KANSL1: variants seen among roughly 807,000 people sequenced by gnomAD.
KANSL1 encodes MLL1/MLL complex subunit KANSL1.
A neutral mutation model predicts 103.6 loss-of-function variants in KANSL1; 22 were observed. The observed-to-expected ratio is 0.21, with a 90% CI of 0.15 to 0.30. KANSL1 has a LOEUF of 0.30. Among genes scored for constraint, KANSL1 ranks in the 10% least tolerant of loss-of-function variants. The pLI is 1.00. For missense variants in KANSL1, 1,337 were observed against 1,399.8 expected, an observed-to-expected ratio of 0.96 and a Z score of 0.72; for synonymous variants, 600 against 527.6, an observed-to-expected ratio of 1.14 and a Z score of -1.88.
chr17:46,034,020 T>C (rs1257172084), intron 11 of KANSL1, 141 bp downstream of exon 11: 2 of 1,032,192 alleles, frequency 1.9e-6, no homozygotes, highest in African/African-American at 1.6e-5. Context: ...CAGAAATAAT[T>C]TCGTTCTTAT....
chr17:46,178,167 G>A (rs1302008649), intron 1 of KANSL1, among the ~76,000 whole-genome samples: 1 of 151,990 alleles, frequency 6.6e-6, no homozygotes, highest in Non-Finnish European at 1.5e-5. Context: ...TTCAATCTTT[G>A]ACAATGTAAA....
At chr17:46,126,740 T>C (rs2043577936) in intron 2 of KANSL1, among the ~76,000 whole-genome samples, 1 of 152,216 alleles carries the variant, frequency 6.6e-6, no homozygotes, top group South Asian at 2.1e-4. Context: ...ATAAGAAATG[T>C]CACTGTGACA....
intron 2 of KANSL1, among the ~76,000 whole-genome samples, chr17:46,115,728 A>C (rs2043018080): frequency 6.6e-6 from 1 of 152,256 alleles, no homozygotes; most frequent in South Asian, 2.1e-4. Flanking sequence ...TAGGAAAGCC[A>C]ACCGATAAAT....
chr17:46,070,617 T>C (rs906308439), intron 4 of KANSL1, among the ~76,000 whole-genome samples: 1 of 152,182 alleles, frequency 6.6e-6, no homozygotes, highest in Non-Finnish European at 1.5e-5. Context: ...AGGCATGTTA[T>C]AGGTATTCTA....
intron 6 of KANSL1, among the ~76,000 whole-genome samples, chr17:46,057,204 G>A (rs1486450850): frequency 1.3e-5 from 2 of 152,068 alleles, no homozygotes; most frequent in African/African-American, 2.4e-5. Context: ...ATCAGATAAC[G>A]TTAGCATCAT....
chr17:46,196,839 G>A (rs2047626303), upstream of KANSL1: 10 of 193,680 alleles, frequency 5.2e-5, no homozygotes, highest in South Asian at 7.8e-4. Context: ...AGGCATGGTG[G>A]CTCACACCTA....
chr17:46,034,397 T>G, intron 10 of KANSL1, 112 bp from the exon 11 acceptor site: 1 of 1,176,508 alleles, frequency 8.5e-7, no homozygotes, highest in Non-Finnish European at 1.2e-6. Flanking sequence ...GTCCTTGGGT[T>G]GAAGCTGAGT....
chr17:46,045,381 C>G (rs1362504325), intron 7 of KANSL1: 4 of 148,966 alleles, frequency 2.7e-5, no homozygotes, highest in Non-Finnish European at 6.0e-5. Flanking sequence ...TCAGGTCAAC[C>G]AACTGAGGTG....
At chr17:46,143,866 T>G (rs1452243186) in intron 2 of KANSL1, among the ~76,000 whole-genome samples, 1 of 151,304 alleles carries the variant, frequency 6.6e-6, no homozygotes, top group Non-Finnish European at 1.5e-5. Context: ...ATGAGAAAAT[T>G]TGAGGTCCAG....
intron 10 of KANSL1, 150 bp from the exon 11 acceptor site, chr17:46,034,435 G>T: frequency 1.3e-6 from 1 of 747,054 alleles, no homozygotes. Flanking sequence ...CTCCCACCTA[G>T]GAGTCAGTCT....
At chr17:46,111,608 TAGAC>T (rs1421177898) in intron 2 of KANSL1, among the ~76,000 whole-genome samples, 1 of 152,190 alleles carries the variant, frequency 6.6e-6, no homozygotes, top group Non-Finnish European at 1.5e-5. Context: ...TGAACTAGAC[TAGAC>T]AAAGAGATCA....
rs566342474 is a variant in KANSL1 at position 46,146,649 on chromosome 17, C to A, written c.1289+24206G>T. Among the ~76,000 whole-genome samples, 36 of 145,712 alleles carry A rather than the reference C, an allele frequency of 2.5e-4. 12 individuals are homozygous for A. The highest frequency in any genetic ancestry group is 4.7e-4 in the Non-Finnish European group (30 of 64,018). Reference sequence around the variant, plus strand: ...GAGATCGAGACCATCCCAGCTAAAACGGTGAAACCCCGTCTCTACTAAAAA... The same window carrying A: ...GAGATCGAGACCATCCCAGCTAAAAAGGTGAAACCCCGTCTCTACTAAAAA... On this transcript the variant is annotated intron_variant, in intron 2 of 14. Transcript: ENST00000432791.
At chr17:46,165,518 A>ATT (rs146103384) in intron 2 of KANSL1, among the ~76,000 whole-genome samples, 15,921 of 140,378 alleles carry the variant, frequency 0.11, 11 homozygotes, top group Non-Finnish European at 0.16. Context: ...AGGTATTTTT[A>ATT]TTTTTTTTTT....
chr17:46,153,127 T>C (rs1028922687), intron 2 of KANSL1, among the ~76,000 whole-genome samples: 1 of 152,262 alleles, frequency 6.6e-6, no homozygotes, highest in Non-Finnish European at 1.5e-5. Context: ...AAGGATTTTT[T>C]TTTAAAGTAT....
intron 1 of KANSL1, among the ~76,000 whole-genome samples, chr17:46,200,285 C>T (rs1164309920): frequency 6.6e-6 from 1 of 152,166 alleles, no homozygotes; most frequent in Admixed American, 6.5e-5. Flanking sequence ...TACCAAGAAA[C>T]TACCTGAGTT....
At chr17:46,194,064 A>G (rs2532236), upstream of KANSL1, among the ~76,000 whole-genome samples, 21,874 of 150,348 alleles carry the variant, frequency 0.15, 2,132 homozygotes, top group Non-Finnish European at 0.22. Flanking sequence ...CGGGGTGGGG[A>G]GGGTGCACGT....
intron 1 of KANSL1, among the ~76,000 whole-genome samples, chr17:46,212,229 T>C (rs1362112882): frequency 7.1e-6 from 1 of 139,924 alleles, no homozygotes; most frequent in Non-Finnish European, 1.5e-5. Context: ...TAAAAATTCT[T>C]TTTTTTTTTT....
chr17:46,147,820 T>C (rs1457668420), intron 2 of KANSL1, among the ~76,000 whole-genome samples: 1 of 152,234 alleles, frequency 6.6e-6, no homozygotes, highest in Non-Finnish European at 1.5e-5. Context: ...TTCTCGAAGT[T>C]TGGTACAAAG....
chr17:46,049,240 C>CA lies in KANSL1; in HGVS notation c.2020+1292_2020+1293insT, dbSNP rs1555738031. Among the ~76,000 whole-genome samples, 12 of 75,796 alleles carry CA rather than the reference C, an allele frequency of 1.6e-4. 1 individual carries two copies. In the South Asian group the frequency reaches 5.2e-3, roughly 33 times the overall value. 49.7% of individuals were successfully genotyped at this position (75,796 alleles called of 152,430 possible). On this transcript the variant is annotated intron_variant, in intron 7 of 14. Coordinates refer to ENST00000432791, the MANE Select transcript of KANSL1 (RefSeq NM_015443.4). ...ATTTGTTGTCCCCACCATCCAAGAC[C>CA]TTTTTTTTTTTTTTTTTTTTTTTTT...
Sources: allele counts gnomAD v4.1 joint callset (sites outside exome capture counted in the v4.1 genomes callset), GRCh38; gene constraint gnomAD v4.1.1; transcripts MANE v1.5; gene names NCBI Gene and HGNC (gene_info 2026-07-23, HGNC 2026-07-21).